SGCZ: variants seen among roughly 807,000 people sequenced by gnomAD.
SGCZ encodes sarcoglycan zeta, also known as zeta-sarcoglycan.
A neutral mutation model predicts 41.3 loss-of-function variants in SGCZ; 40 were observed. That is an observed-to-expected ratio of 0.97 (90% CI 0.75 to 1.26). SGCZ has a LOEUF of 1.26. Ranked by LOEUF, SGCZ falls within the 50% of genes most tolerant of loss-of-function variation. The pLI is 0.00. For synonymous variants in SGCZ, 206 were observed against 137.5 expected, an observed-to-expected ratio of 1.50 and a Z score of -3.49; for missense variants, 552 against 369.8, an observed-to-expected ratio of 1.49 and a Z score of -4.04.
intron 2 of SGCZ, among the ~76,000 whole-genome samples, chr8:14,346,685 T>A (rs1379915699): frequency 6.6e-6 from 1 of 152,054 alleles, no homozygotes; most frequent in Non-Finnish European, 1.5e-5. Flanking sequence ...TGTTTTACAT[T>A]ATAAGGGAAG....
chr8:14,714,893 T>A (rs993318955), intron 1 of SGCZ, among the ~76,000 whole-genome samples: 4 of 152,076 alleles, frequency 2.6e-5, no homozygotes, highest in Non-Finnish European at 4.4e-5. Context: ...GAGCTAAATT[T>A]TAAAATTAAA....
intron 1 of SGCZ, among the ~76,000 whole-genome samples, chr8:14,860,423 T>C (rs904086395): frequency 2.8e-5 from 4 of 141,842 alleles, no homozygotes; most frequent in African/African-American, 1.1e-4. Flanking sequence ...GTGAGAAAAA[T>C]GGAGGGAGGG....
rs144207368 is a variant in SGCZ, at chr8:14,236,517, T to C, written c.424+1075A>G. 1.8e-4 allele frequency among the ~76,000 whole-genome samples: 28 copies of C among 152,164 alleles called. No individual in the cohort carries two copies. The East Asian group carries it at 5.0e-3, about 27-fold the overall frequency. The stretch of plus-strand genomic sequence containing the variant: ...GTTTCTAAAGCTCATATTTCAAATG[T>C]ATTATTTTTGCATAATTTAATTAGA... On this transcript the variant is annotated intron_variant, in intron 4 of 7. Coordinates refer to ENST00000382080, the MANE Select transcript of SGCZ (RefSeq NM_139167.4).
chr8:14,220,690 G>C (rs1304834784), intron 4 of SGCZ, among the ~76,000 whole-genome samples: 2 of 152,246 alleles, frequency 1.3e-5, no homozygotes, highest in East Asian at 3.9e-4. Context: ...GGGAGGCTGA[G>C]GTAGGAGAAT....
intron 2 of SGCZ, among the ~76,000 whole-genome samples, chr8:14,426,774 C>T (rs1036617237): frequency 2.6e-5 from 4 of 151,994 alleles, no homozygotes; most frequent in Admixed American, 1.3e-4. Flanking sequence ...GAAAAAGGTA[C>T]AGGTGTTTTA....
At chr8:14,260,714 T>C (rs573444177) in intron 3 of SGCZ, among the ~76,000 whole-genome samples, 4 of 152,326 alleles carry the variant, frequency 2.6e-5, no homozygotes, top group Admixed American at 1.3e-4. Context: ...CCAACCATAA[T>C]AGACTGGATT....
At chr8:14,251,910 A>G (rs1017232095) in intron 3 of SGCZ, among the ~76,000 whole-genome samples, 1 of 152,042 alleles carries the variant, frequency 6.6e-6, no homozygotes, top group Non-Finnish European at 1.5e-5. Context: ...GGGTTTTGCA[A>G]TGTTGGCCAG....
chr8:14,862,873 C>G (rs781088177), intron 1 of SGCZ, among the ~76,000 whole-genome samples: 2 of 151,840 alleles, frequency 1.3e-5, no homozygotes, highest in African/African-American at 2.4e-5. Flanking sequence ...AGAGAAGCCA[C>G]TAGAGGAAAT....
chr8:15,176,748 T>C (rs1370717297), intron 1 of SGCZ, among the ~76,000 whole-genome samples: 2 of 152,202 alleles, frequency 1.3e-5, no homozygotes, highest in Non-Finnish European at 2.9e-5. Context: ...ACGCCTGTAA[T>C]CCCAGCACTT....
chr8:14,199,504 G>C (rs1328618532), intron 4 of SGCZ, among the ~76,000 whole-genome samples: 1 of 152,084 alleles, frequency 6.6e-6, no homozygotes, highest in Non-Finnish European at 1.5e-5. Flanking sequence ...TGTGAAGCAT[G>C]TGATCTCTGT....
chr8:14,405,919 G>C (rs901020895), intron 2 of SGCZ, among the ~76,000 whole-genome samples: 1 of 152,044 alleles, frequency 6.6e-6, no homozygotes, highest in Non-Finnish European at 1.5e-5. Context: ...TTTAAATGGA[G>C]GTGCAAGCAA....
At chr8:14,857,327 T>C (rs748473635) in intron 1 of SGCZ, among the ~76,000 whole-genome samples, 37 of 152,150 alleles carry the variant, frequency 2.4e-4, no homozygotes, top group African/African-American at 8.9e-4. Flanking sequence ...TATTTCTTTA[T>C]AGCAGTGAAA....
intron 2 of SGCZ, among the ~76,000 whole-genome samples, chr8:14,401,316 T>C (rs1799066790): frequency 6.6e-6 from 1 of 152,046 alleles, no homozygotes; most frequent in Non-Finnish European, 1.5e-5. Flanking sequence ...CTTTAAGTTT[T>C]AGGGTACATG....
chr8:14,187,928 C>A (rs914071205), intron 4 of SGCZ, among the ~76,000 whole-genome samples: 1 of 151,940 alleles, frequency 6.6e-6, no homozygotes, highest in African/African-American at 2.4e-5. Context: ...AGGTGAAAAT[C>A]TTGAAAGGAG....
At chr8:14,861,496 T>A (rs780704401) in intron 1 of SGCZ, among the ~76,000 whole-genome samples, 2 of 152,146 alleles carry the variant, frequency 1.3e-5, no homozygotes, top group Non-Finnish European at 2.9e-5. Context: ...TAATACATGA[T>A]CTTATTATGC....
chr8:14,570,912 GT>G (rs1231856147), intron 1 of SGCZ, among the ~76,000 whole-genome samples: 1 of 152,028 alleles, frequency 6.6e-6, no homozygotes, highest in East Asian at 1.9e-4. Flanking sequence ...ATTTAAAATG[GT>G]TATGTATGTA....
At chr8:14,542,481 T>G (rs971580626) in intron 2 of SGCZ, among the ~76,000 whole-genome samples, 1 of 152,110 alleles carries the variant, frequency 6.6e-6, no homozygotes, top group African/African-American at 2.4e-5. Flanking sequence ...AGAGACACTT[T>G]AACTAAATTT....
At chr8:14,684,559 T>A (rs995169123) in intron 1 of SGCZ, among the ~76,000 whole-genome samples, 2 of 152,170 alleles carry the variant, frequency 1.3e-5, no homozygotes, top group Non-Finnish European at 2.9e-5. Context: ...ACTGTAAACA[T>A]GTTGTAGCAG....
intron 5 of SGCZ, among the ~76,000 whole-genome samples, chr8:14,144,739 G>A (rs1402926113): frequency 2.6e-5 from 4 of 152,144 alleles, no homozygotes; most frequent in Admixed American, 2.0e-4. Context: ...GTGGGCCAGA[G>A]GGGAGCCTAT....
Sources: gnomAD v4.1 joint callset for allele counts (sites outside exome capture counted in the v4.1 genomes callset) on GRCh38, gnomAD v4.1.1 for gene constraint, MANE v1.5 for transcripts, NCBI Gene and HGNC (gene_info 2026-07-23, HGNC 2026-07-21) for gene names.